Variants in GALNTL6 observed in about 807,000 individuals in gnomAD.
The protein encoded by GALNTL6 is polypeptide N-acetylgalactosaminyltransferase like 6, also known as polypeptide N-acetylgalactosaminyltransferase-like 6.
In GALNTL6, 46 loss-of-function variants were observed where a neutral mutation model predicts 73.7. That is an observed-to-expected ratio of 0.62 (90% CI 0.49 to 0.80). GALNTL6 has a LOEUF of 0.80. Ranked by LOEUF, GALNTL6 falls within the 30% of genes least tolerant of loss-of-function variation. GALNTL6 has a pLI of 0.00. For synonymous variants in GALNTL6, 259 were observed against 263.7 expected, an observed-to-expected ratio of 0.98 and a Z score of 0.17; for missense variants, 604 against 755.0, an observed-to-expected ratio of 0.80 and a Z score of 2.34.
At chr4:171,967,447 G>GTTTTTTTT (rs759348628) in intron 2 of GALNTL6, among the ~76,000 whole-genome samples, 1 of 14,330 alleles carries the variant, frequency 7.0e-5, no homozygotes, top group African/African-American at 9.7e-5. Context: ...CCCCCTATGG[G>GTTTTTTTT]TTTTTTTTTT....
At chr4:172,986,190 G>A (rs1326489619) in intron 10 of GALNTL6, among the ~76,000 whole-genome samples, 1 of 152,178 alleles carries the variant, frequency 6.6e-6, no homozygotes, top group African/African-American at 2.4e-5. Context: ...TCTTTGCAAA[G>A]GCAGTTTTAA....
At chr4:172,755,709 T>C (rs1014963406) in intron 5 of GALNTL6, among the ~76,000 whole-genome samples, 3 of 152,242 alleles carry the variant, frequency 2.0e-5, no homozygotes, top group Non-Finnish European at 4.4e-5. Context: ...ATATTTTCAG[T>C]CAAATTTTGC....
At chr4:172,376,458 G>C (rs1743033528) in intron 5 of GALNTL6, among the ~76,000 whole-genome samples, 1 of 152,152 alleles carries the variant, frequency 6.6e-6, no homozygotes, top group African/African-American at 2.4e-5. Flanking sequence ...CTCAGCCCAG[G>C]AAAACAGGAA....
Position 172,813,610 on chromosome 4 carries a change from G to A in GALNTL6, c.810G>A (p.Gly270=). 6.2e-6 allele frequency: 10 copies of A among 1,613,258 alleles called. No individual in the cohort carries two copies. Among genetic ancestry groups the A allele is most frequent in the Non-Finnish European group, 8.5e-6 (10 of 1,179,432 alleles). The change falls in exon 7 of 13, where the codon GGG becomes GGA. Residue 270 remains glycine (G), a synonymous_variant. Coordinates refer to ENST00000506823, the MANE Select transcript of GALNTL6 (RefSeq NM_001034845.3). ...ATGTCATTGACCACAATCACTTCGG[G>A]TATGAGGCACAAGCTGGGGATGCCA... ...MIDVIDHNHF[G]YEAQAGDAMR...
intron 2 of GALNTL6, among the ~76,000 whole-genome samples, chr4:171,898,867 T>C (rs1311760930): frequency 6.6e-6 from 1 of 152,062 alleles, no homozygotes; most frequent in Non-Finnish European, 1.5e-5. Flanking sequence ...ATAAATTGTA[T>C]CAAAATAAAC....
intron 8 of GALNTL6, among the ~76,000 whole-genome samples, chr4:172,930,347 G>C (rs138033007): frequency 1.3e-4 from 20 of 152,154 alleles, no homozygotes; most frequent in South Asian, 2.1e-4. Flanking sequence ...GTGGCGGGGG[G>C]AGAAATGAGA....
chr4:172,793,884 C>A (rs1313162359), intron 5 of GALNTL6, among the ~76,000 whole-genome samples: 1 of 150,250 alleles, frequency 6.7e-6, no homozygotes, highest in Non-Finnish European at 1.5e-5. Flanking sequence ...AGCCAACTTT[C>A]ACTTATTCTT....
chr4:172,850,838 G>T (rs946362638), intron 7 of GALNTL6, among the ~76,000 whole-genome samples: 3 of 152,130 alleles, frequency 2.0e-5, no homozygotes, highest in African/African-American at 7.2e-5. Context: ...TATCATAAAG[G>T]ATATTACAAA....
chr4:172,844,061 A>AAAATAAAAATAAAT (rs1442550710), intron 7 of GALNTL6, among the ~76,000 whole-genome samples: 2 of 152,196 alleles, frequency 1.3e-5, no homozygotes, highest in Non-Finnish European at 2.9e-5. Flanking sequence ...TCCGTCTTGA[A>AAAATAAAAATAAAT]AAATAAAAAT....
chr4:172,547,342 A>C (rs1735810643), intron 5 of GALNTL6, among the ~76,000 whole-genome samples: 1 of 152,102 alleles, frequency 6.6e-6, no homozygotes, highest in Non-Finnish European at 1.5e-5. Flanking sequence ...GAGTCAATAT[A>C]AAGTTGTCTT....
chr4:172,481,287 C>T (rs1289525758), intron 5 of GALNTL6, among the ~76,000 whole-genome samples: 2 of 151,372 alleles, frequency 1.3e-5, no homozygotes, highest in Non-Finnish European at 3.0e-5. Context: ...TCTCGCAGGC[C>T]TCAGGAGTGA....
At chr4:172,303,436 C>T (rs943510114) in intron 3 of GALNTL6, among the ~76,000 whole-genome samples, 1 of 152,100 alleles carries the variant, frequency 6.6e-6, no homozygotes, top group African/African-American at 2.4e-5. Context: ...TTATGAAAAC[C>T]ACACTCTTGC....
chr4:172,989,491 G>A (rs962450749), intron 10 of GALNTL6, among the ~76,000 whole-genome samples: 1 of 152,176 alleles, frequency 6.6e-6, no homozygotes, highest in Non-Finnish European at 1.5e-5. Flanking sequence ...GTTTGGATTT[G>A]TGTCCCCACC....
chr4:172,894,837 G>T (rs1241050877), intron 8 of GALNTL6, among the ~76,000 whole-genome samples: 1 of 151,832 alleles, frequency 6.6e-6, no homozygotes, highest in African/African-American at 2.4e-5. Context: ...GTTAATACTT[G>T]CTTTATATGT....
chr4:172,495,567 G>C (rs1295764749), intron 5 of GALNTL6, among the ~76,000 whole-genome samples: 1 of 152,152 alleles, frequency 6.6e-6, no homozygotes, highest in Admixed American at 6.5e-5. Flanking sequence ...ATGGTGTCCT[G>C]TGTGATTGGT....
intron 5 of GALNTL6, among the ~76,000 whole-genome samples, chr4:172,531,463 C>G (rs1735167002): frequency 6.6e-6 from 1 of 152,192 alleles, no homozygotes. Flanking sequence ...GCTGACACGT[C>G]CCCTGACCGC....
chr4:172,442,512 A>T (rs776280161), intron 5 of GALNTL6, among the ~76,000 whole-genome samples: 5 of 152,138 alleles, frequency 3.3e-5, no homozygotes, highest in East Asian at 1.9e-4. Context: ...TGTTAGATAA[A>T]TTTTTTTACT....
chr4:172,158,308 C>A (rs933019504), intron 2 of GALNTL6, among the ~76,000 whole-genome samples: 2 of 151,876 alleles, frequency 1.3e-5, no homozygotes, highest in African/African-American at 4.8e-5. Flanking sequence ...AGATAAAAAT[C>A]TGGGTTTTGG....
chr4:171,962,999 C>T (rs897583646), intron 2 of GALNTL6, among the ~76,000 whole-genome samples: 1 of 151,520 alleles, frequency 6.6e-6, no homozygotes, highest in Non-Finnish European at 1.5e-5. Context: ...ATCTCTTGAC[C>T]TTGTGATCCG....
Sources: gnomAD v4.1 joint callset for allele counts (sites outside exome capture counted in the v4.1 genomes callset) on GRCh38, gnomAD v4.1.1 for gene constraint, MANE v1.5 for transcripts, NCBI Gene and HGNC (gene_info 2026-07-23, HGNC 2026-07-21) for gene names.